The following PARD3B variants were observed in gnomAD, a reference collection of about 807,000 sequenced individuals.
PARD3B encodes the protein partitioning defective 3 homolog B.
PARD3B carries 103 observed loss-of-function variants against 130.2 expected under a neutral mutation model. The observed-to-expected ratio is 0.79, with a 90% CI of 0.67 to 0.93. The LOEUF (loss-of-function observed/expected upper bound fraction) is 0.93, where lower values mean the gene tolerates loss of function less well. PARD3B is among the 40% of genes least tolerant of loss of function. The pLI, the probability that PARD3B is intolerant of heterozygous loss-of-function variation, is 0.00. For synonymous variants in PARD3B, 583 were observed against 553.2 expected, an observed-to-expected ratio of 1.05 and a Z score of -0.76; for missense variants, 1,609 against 1,499.2, an observed-to-expected ratio of 1.07 and a Z score of -1.21.
At position 205,473,709 on chromosome 2, in the gene PARD3B, T is replaced by TATAC. The variant is rs1317126373; in HGVS notation, c.3045-26186_3045-26185insTACA. 2.1e-5 allele frequency among the ~76,000 whole-genome samples: 2 copies of TATAC among 96,078 alleles called. No homozygotes were observed. Among genetic ancestry groups the TATAC allele is most frequent in the Admixed American group, 9.6e-5 (1 of 10,390 alleles). 63.0% of individuals were successfully genotyped at this position (96,078 alleles called of 152,430 possible). A position where few individuals can be genotyped will look rare whatever the true frequency, so the allele number is the denominator to read the frequency against. On this transcript the variant is annotated intron_variant, in intron 20 of 22. Coordinates refer to ENST00000406610, the MANE Select transcript of PARD3B (RefSeq NM_001302769.2). The surrounding 1 kb of genome is among the most constrained non-coding windows in gnomAD (Gnocchi z 4.9). ...GTATATATATATATATATATATATA[T>TATAC]ACACACACACGTATATAAAACCCTA...
chr2:204,608,285 A>G (rs1378373068), intron 1 of PARD3B, among the ~76,000 whole-genome samples: 2 of 152,218 alleles, frequency 1.3e-5, no homozygotes, highest in South Asian at 2.1e-4. Flanking sequence ...TTGCTTGGGG[A>G]GAAGGTTTCT....
intron 13 of PARD3B, among the ~76,000 whole-genome samples, chr2:205,184,602 C>T (rs1206484847): frequency 4.6e-5 from 7 of 151,950 alleles, no homozygotes; most frequent in African/African-American, 1.4e-4. Context: ...ATTAGCCAGG[C>T]GTGGTGGCGA....
intron 2 of PARD3B, among the ~76,000 whole-genome samples, chr2:204,828,033 C>T (rs2043656504): frequency 1.5e-5 from 2 of 133,664 alleles, no homozygotes; most frequent in African/African-American, 7.7e-5. Flanking sequence ...CCAGGGGACA[C>T]CATCTGCCCC....
intron 4 of PARD3B, among the ~76,000 whole-genome samples, chr2:205,068,139 G>A (rs1700502090): frequency 1.3e-5 from 2 of 152,176 alleles, no homozygotes; most frequent in South Asian, 4.1e-4. Context: ...TTCAGTCTGG[G>A]ACTGTGCGTA....
At chr2:204,645,554 C>T (rs571698994) in intron 1 of PARD3B, among the ~76,000 whole-genome samples, 1 of 152,240 alleles carries the variant, frequency 6.6e-6, no homozygotes, top group East Asian at 1.9e-4. Context: ...CTTTAGGCCT[C>T]TTAAACCTTT....
chr2:204,853,672 G>A (rs1232205356), intron 2 of PARD3B, among the ~76,000 whole-genome samples: 1 of 152,128 alleles, frequency 6.6e-6, no homozygotes, highest in Admixed American at 6.6e-5. Flanking sequence ...CAGAGGATAT[G>A]TTCAATCATT....
At chr2:204,743,818 C>T (rs2040107427) in intron 2 of PARD3B, among the ~76,000 whole-genome samples, 1 of 152,176 alleles carries the variant, frequency 6.6e-6, no homozygotes, top group Non-Finnish European at 1.5e-5. Context: ...CCTAATGCTA[C>T]TCAGCCAGTG....
chr2:204,641,457 A>T (rs1010346810), intron 1 of PARD3B, among the ~76,000 whole-genome samples: 29 of 120,262 alleles, frequency 2.4e-4, no homozygotes, highest in African/African-American at 1.5e-3. Flanking sequence ...TTTTTTTTTT[A>T]ATCCTGCTTT....
chr2:204,700,192 A>G (rs1484927148), intron 2 of PARD3B, among the ~76,000 whole-genome samples: 1 of 152,140 alleles, frequency 6.6e-6, no homozygotes, highest in African/African-American at 2.4e-5. Context: ...CTGGTATCTT[A>G]ATTCAATATA....
intron 11 of PARD3B, among the ~76,000 whole-genome samples, chr2:205,170,697 T>A (rs1158909869): frequency 6.6e-6 from 1 of 152,176 alleles, no homozygotes; most frequent in Non-Finnish European, 1.5e-5. Context: ...TAGTCCGAGT[T>A]TAACGACCCG....
Position 204,721,255 on chromosome 2 carries a change from C to T in PARD3B, c.222+34973C>T, listed in dbSNP as rs1052087035. On this transcript the variant is annotated intron_variant, in intron 2 of 22. Coordinates refer to ENST00000406610, the MANE Select transcript of PARD3B (RefSeq NM_001302769.2). ...GACACTCAGCAGTAATAATTATTTA[C>T]GGCACTTGGTAGTGAAGAGAGGACA... Among the ~76,000 whole-genome samples the T allele has an allele frequency of 4.6e-5, 7 of 152,124 alleles. No homozygotes were observed. In the South Asian group the frequency reaches 6.2e-4, roughly 14 times the overall value.
chr2:205,196,205 CCACAT>C (rs2125814204), intron 15 of PARD3B, among the ~76,000 whole-genome samples: 1 of 152,272 alleles, frequency 6.6e-6, no homozygotes, highest in Admixed American at 6.5e-5. Flanking sequence ...ATGTACATGT[CCACAT>C]CACATATCAT....
At chr2:205,152,303 C>T (rs1194115909) in intron 10 of PARD3B, among the ~76,000 whole-genome samples, 2 of 152,080 alleles carry the variant, frequency 1.3e-5, no homozygotes, top group South Asian at 2.1e-4. Context: ...TGAATGTTGG[C>T]CTGCCTTGCT....
intron 18 of PARD3B, among the ~76,000 whole-genome samples, chr2:205,361,893 C>A (rs1332593923): frequency 6.6e-6 from 1 of 152,146 alleles, no homozygotes; most frequent in Non-Finnish European, 1.5e-5. Context: ...TCTTCTCCAC[C>A]CCCAGGCGTG....
chr2:204,896,129 C>G lies in PARD3B; in HGVS notation c.223-69023C>G, dbSNP rs532676752. Among the ~76,000 whole-genome samples, 182 of 152,236 alleles carry G rather than the reference C, an allele frequency of 1.2e-3. 1 individual carries two copies. The highest frequency in any genetic ancestry group is 1.3e-3 in the Non-Finnish European group (91 of 68,010). On this transcript the variant is annotated intron_variant, in intron 2 of 22. Coordinates refer to ENST00000406610, the MANE Select transcript of PARD3B (RefSeq NM_001302769.2). Reference sequence around the variant, plus strand: ...GACCTCTCACACTGTATTCTCTGTACTTGTTCTGTGAAATGGGATTCTGCA... The same window carrying G: ...GACCTCTCACACTGTATTCTCTGTAGTTGTTCTGTGAAATGGGATTCTGCA...
At chr2:204,846,858 A>G (rs2044481758) in intron 2 of PARD3B, among the ~76,000 whole-genome samples, 2 of 152,000 alleles carry the variant, frequency 1.3e-5, no homozygotes, top group South Asian at 4.1e-4. Context: ...TCCCTGAATC[A>G]CAGGGAATAT....
At position 205,057,483 on chromosome 2, in the gene PARD3B, A is replaced by G. The variant is rs565295167; in HGVS notation, c.504+9793A>G. The stretch of plus-strand genomic sequence containing the variant: ...ATGTATATGTGTTATATACATGTGT[A>G]TGTGTATATGTATATATACATATAT... On this transcript the variant is annotated intron_variant, in intron 4 of 22. Transcript: ENST00000406610. Among the ~76,000 whole-genome samples, 4 of 145,144 alleles carry G rather than the reference A, an allele frequency of 2.8e-5. No individual in the cohort carries two copies. In the East Asian group the frequency reaches 8.0e-4, roughly 29 times the overall value.
At chr2:205,289,736 A>G (rs1008177570) in intron 16 of PARD3B, among the ~76,000 whole-genome samples, 2 of 152,142 alleles carry the variant, frequency 1.3e-5, no homozygotes, top group African/African-American at 2.4e-5. Context: ...CCATTCATGG[A>G]TTGATGGATT....
intron 15 of PARD3B, among the ~76,000 whole-genome samples, chr2:205,207,165 C>G (rs1426468580): frequency 9.2e-5 from 13 of 141,058 alleles, no homozygotes; most frequent in Middle Eastern, 3.5e-3. Context: ...TTCTTTGAAA[C>G]CAACGAGAAC....
Sources: allele counts gnomAD v4.1 joint callset (sites outside exome capture counted in the v4.1 genomes callset), GRCh38; gene constraint gnomAD v4.1.1; non-coding constraint Gnocchi (gnomAD v3.1); transcripts MANE v1.5; gene names NCBI Gene and HGNC (gene_info 2026-07-23, HGNC 2026-07-21).